The following WDFY3 variants were observed in gnomAD, a reference collection of about 807,000 sequenced individuals.
The protein encoded by WDFY3 is WD repeat and FYVE domain containing 3, also known as WD repeat and FYVE domain-containing protein 3.
In WDFY3, 66 loss-of-function variants were observed where a neutral mutation model predicts 409.6. The ratio of observed to expected loss-of-function variants is 0.16; its 90% CI spans 0.13 to 0.20. The LOEUF (loss-of-function observed/expected upper bound fraction) is 0.20, where lower values mean the gene tolerates loss of function less well. Among genes scored for constraint, WDFY3 ranks in the 10% least tolerant of loss-of-function variants. WDFY3 has a pLI of 1.00. For missense variants in WDFY3, 3,031 were observed against 4,298.1 expected (o/e 0.71, Z 8.24); for synonymous variants, 1,521 against 1,537.1 (o/e 0.99, Z 0.25).
rs771628037 is a variant in WDFY3 at position 84,821,385 on chromosome 4, A to G, written c.1290T>C (p.Phe430=). Reference sequence around the variant, plus strand: ...CTGGGAGTTTAGAAATCTTCTCTGCAAACTGTGACAATGTGTGCTGTGACT... The same window carrying G: ...CTGGGAGTTTAGAAATCTTCTCTGCGAACTGTGACAATGTGTGCTGTGACT... ...ILESQHTLSQ[F]AEKISKLPEV... Residue 430 remains phenylalanine (F), a synonymous_variant, in exon 11 of 68, where the codon TTT becomes TTC. Coordinates refer to ENST00000295888, the MANE Select transcript of WDFY3 (RefSeq NM_014991.6). 6.2e-7 allele frequency: 1 copy of G among 1,613,946 alleles called. No individual in the cohort carries two copies. The highest frequency in any genetic ancestry group is 1.1e-5 in the South Asian group (1 of 91,084).
At chr4:84,870,410 G>C (rs1401395162) in intron 3 of WDFY3, among the ~76,000 whole-genome samples, 2 of 152,150 alleles carry the variant, frequency 1.3e-5, no homozygotes, top group African/African-American at 4.8e-5. Context: ...CTGCAGCCAT[G>C]AACTGGTAGG....
intron 3 of WDFY3, among the ~76,000 whole-genome samples, chr4:84,895,275 A>G (rs1765485084): frequency 6.6e-6 from 1 of 152,234 alleles, no homozygotes; most frequent in South Asian, 2.1e-4. Flanking sequence ...AAAAAACATA[A>G]TAGAAGCAAT....
intron 2 of WDFY3, among the ~76,000 whole-genome samples, chr4:84,927,627 GT>G (rs1329415128): frequency 6.6e-6 from 1 of 152,098 alleles, no homozygotes; most frequent in Non-Finnish European, 1.5e-5. Flanking sequence ...CATGGCGGAG[GT>G]TTCCCCCATG....
chr4:84,881,232 TCA>T (rs1219233402), intron 3 of WDFY3, among the ~76,000 whole-genome samples: 5 of 152,174 alleles, frequency 3.3e-5, no homozygotes, highest in African/African-American at 1.2e-4. Context: ...TTCTCTTCAT[TCA>T]CAGACTGCAT....
chr4:84,804,111 A>T (rs1473254722), intron 15 of WDFY3: 2 of 152,242 alleles, frequency 1.3e-5, no homozygotes, highest in Admixed American at 1.3e-4. Flanking sequence ...CAATTTACAG[A>T]AAAAGTTTCT....
chr4:84,781,990 A>G (rs1045766140), intron 25 of WDFY3, among the ~76,000 whole-genome samples: 1 of 152,208 alleles, frequency 6.6e-6, no homozygotes, highest in Admixed American at 6.5e-5. Context: ...AACCAGTATT[A>G]TATACTGATT....
At chr4:84,803,575 T>TA (rs1157642046) in intron 15 of WDFY3, 108 bp from the exon 16 acceptor site, 6 of 1,220,254 alleles carry the variant, frequency 4.9e-6, no homozygotes, top group African/African-American at 1.5e-5. Context: ...GAAAACACCT[T>TA]AAGGTTGGGA....
chr4:84,926,147 G>A (rs1403705212), intron 2 of WDFY3, among the ~76,000 whole-genome samples: 1 of 142,522 alleles, frequency 7.0e-6, no homozygotes, highest in Non-Finnish European at 1.5e-5. Flanking sequence ...AGAGCTTTCA[G>A]TGAGCCAAGA....
At chr4:84,713,134 A>G (rs763368207) in intron 51 of WDFY3, 25 bp downstream of exon 51, 1 of 1,608,604 alleles carries the variant, frequency 6.2e-7, no homozygotes, top group South Asian at 1.1e-5. Flanking sequence ...ATTAAACTGT[A>G]ACATGCAAGG....
chr4:84,691,239 C>T (rs1025355508), intron 60 of WDFY3, among the ~76,000 whole-genome samples: 1 of 152,064 alleles, frequency 6.6e-6, no homozygotes, highest in African/African-American at 2.4e-5. Flanking sequence ...AGGTTTTCTG[C>T]CAGCTTGTTT....
At chr4:84,823,840 GC>G (rs1204522408) in intron 10 of WDFY3, among the ~76,000 whole-genome samples, 2 of 152,254 alleles carry the variant, frequency 1.3e-5, no homozygotes, top group African/African-American at 4.8e-5. Context: ...AAATTGGACA[GC>G]CACTTTAGAA....
At chr4:84,793,683 G>A (rs954686261) in intron 21 of WDFY3, among the ~76,000 whole-genome samples, 1 of 152,194 alleles carries the variant, frequency 6.6e-6, no homozygotes, top group Admixed American at 6.5e-5. Context: ...AGGACTACAT[G>A]CTACTAAAGG....
Position 84,740,260 on chromosome 4 carries a change from G to A in WDFY3, c.6391C>T (p.Leu2131=), listed in dbSNP as rs772469976. Residue 2131 remains leucine, a synonymous_variant, in exon 39 of 68, where the codon CTG becomes TTG. Coordinates refer to ENST00000295888, the MANE Select transcript of WDFY3 (RefSeq NM_014991.6). ...TCTTGGTCATGGTTCCCAGGTCCCA[G>A]GATCAAGTTTCTGTTTACAGTGAGG... The part of the protein sequence containing the change: ...RVLTVNRNLI[L]GPGNHDQEFI... 1 of 1,614,058 alleles carries A rather than the reference G, an allele frequency of 6.2e-7. No homozygotes were observed. The highest frequency in any genetic ancestry group is 1.7e-5 in the Admixed American group (1 of 60,002).
chr4:84,787,419 A>G (rs1432386153), intron 23 of WDFY3, 63 bp downstream of exon 23: 4 of 1,465,354 alleles, frequency 2.7e-6, no homozygotes, highest in Non-Finnish European at 3.8e-6. Flanking sequence ...AGACACACAC[A>G]TGCATCTATA....
At position 84,696,258 on chromosome 4, in the gene WDFY3, T is replaced by C. The variant is rs1037669888; in HGVS notation, c.8689-76A>G. 9.7e-5 allele frequency: 131 copies of C among 1,347,612 alleles called. 1 individual carries two copies. In the South Asian group the frequency reaches 1.6e-3, roughly 17 times the overall value. The allele number at this position is 1,347,612 out of a possible 1,614,324, so 83.5% of individuals were successfully genotyped here. On this transcript the variant is annotated intron_variant, in intron 57 of 67. Transcript: ENST00000295888. ...CAGAGACTAGAAAAACCTTGGTAAGTGGTTAATAGGAACTAAAATAACTAA... is the reference window on the plus strand; with the variant it reads ...CAGAGACTAGAAAAACCTTGGTAAGCGGTTAATAGGAACTAAAATAACTAA...
intron 56 of WDFY3, 62 bp downstream of exon 56, chr4:84,702,291 A>T: frequency 1.4e-6 from 2 of 1,477,330 alleles, no homozygotes; most frequent in Non-Finnish European, 1.8e-6. Flanking sequence ...CAGAGAAGTG[A>T]CTTATTTCTA....
intron 7 of WDFY3, among the ~76,000 whole-genome samples, chr4:84,833,701 GAGAAGAGAACAGAAC>G (rs1374072209): frequency 2.6e-5 from 4 of 151,858 alleles, no homozygotes; most frequent in Non-Finnish European, 4.4e-5. Flanking sequence ...GAGAAGAGAA[GAGAAGAGAACAGAAC>G]AGAAGAGAAC....
chr4:84,673,927 G>A (rs1348024018), intron 67 of WDFY3, among the ~76,000 whole-genome samples: 2 of 152,066 alleles, frequency 1.3e-5, no homozygotes, highest in Non-Finnish European at 2.9e-5. Flanking sequence ...TTGAAATGGA[G>A]ATTTATGTTT....
chr4:84,837,288 TTTTG>T (rs540636795), intron 6 of WDFY3, among the ~76,000 whole-genome samples, 198 bp from the exon 7 acceptor site: 52 of 152,284 alleles, frequency 3.4e-4, no homozygotes, highest in Non-Finnish European at 6.2e-4. Flanking sequence ...AATAGTGAGA[TTTTG>T]TTATATAGTA....
Sources: gnomAD v4.1 joint callset for allele counts (sites outside exome capture counted in the v4.1 genomes callset) on GRCh38, gnomAD v4.1.1 for gene constraint, MANE v1.5 for transcripts, NCBI Gene and HGNC (gene_info 2026-07-23, HGNC 2026-07-21) for gene names.